CD109: variants seen among roughly 807,000 people sequenced by gnomAD.
CD109 encodes the protein CD109 antigen.
CD109 carries 149 observed loss-of-function variants against 165.8 expected under a neutral mutation model. That is an observed-to-expected ratio of 0.90 (90% confidence interval 0.79 to 1.03). CD109 has a LOEUF of 1.03. Among genes scored for constraint, CD109 ranks in the 50% least tolerant of loss-of-function variants. CD109 has a pLI of 0.00. For missense variants in CD109, 1,712 were observed against 1,677.8 expected, an observed-to-expected ratio of 1.02 and a Z score of -0.36; for synonymous variants, 585 against 592.1, an observed-to-expected ratio of 0.99 and a Z score of 0.18.
intron 5 of CD109, among the ~76,000 whole-genome samples, chr6:73,756,040 G>A (rs144360530): frequency 5.3e-5 from 8 of 152,204 alleles, no homozygotes; most frequent in South Asian, 2.1e-4. Flanking sequence ...AATAGCCCAC[G>A]TTTTCTTGTT....
At chr6:73,807,970 A>G (rs1189684201) in intron 25 of CD109, 113 bp from the exon 26 acceptor site, 4 of 819,558 alleles carry the variant, frequency 4.9e-6, no homozygotes, top group Non-Finnish European at 7.6e-6. Context: ...AAGGTCAGGT[A>G]CTTCATAGAC....
chr6:73,790,600 T>C (rs773043952), intron 22 of CD109, among the ~76,000 whole-genome samples: 38 of 152,302 alleles, frequency 2.5e-4, no homozygotes, highest in South Asian at 1.0e-3. Flanking sequence ...GTACTCACTC[T>C]GAGTCCAAAG....
At chr6:73,741,162 G>T (rs4342388) in intron 5 of CD109, among the ~76,000 whole-genome samples, 69,780 of 151,600 alleles carry the variant, frequency 0.46, 17,758 homozygotes, top group African/African-American at 0.69. Flanking sequence ...TGATTATAAT[G>T]TTTAAGACCT....
chr6:73,736,651 T>G, intron 5 of CD109, 143 bp downstream of exon 5: 3 of 681,212 alleles, frequency 4.4e-6, no homozygotes. Flanking sequence ...TATTTTTAAT[T>G]TATGATGTTT....
chr6:73,684,283 A>G, the CD109 span, among the ~76,000 whole-genome samples: 1 of 148,010 alleles, frequency 6.8e-6, no homozygotes, highest in Admixed American at 6.8e-5. Context: ...GCAGTGATGC[A>G]GTCTTGGCTC....
At chr6:73,791,136 CATATATATATATATATATAT>C (rs61429872) in intron 22 of CD109, among the ~76,000 whole-genome samples, 10 of 56,334 alleles carry the variant, frequency 1.8e-4, no homozygotes, top group Admixed American at 1.1e-3. Flanking sequence ...TACATACATA[CATATATATATATATATATAT>C]ATATATATAT....
intron 30 of CD109, among the ~76,000 whole-genome samples, chr6:73,816,977 G>A (rs886129997): frequency 1.4e-4 from 21 of 152,172 alleles, no homozygotes; most frequent in Admixed American, 6.5e-5. Flanking sequence ...GTGGTAGGTA[G>A]AGCCTGAAGA....
the CD109 span, among the ~76,000 whole-genome samples, chr6:73,686,952 A>G: frequency 2.0e-5 from 3 of 152,206 alleles, no homozygotes; most frequent in African/African-American, 7.2e-5. Flanking sequence ...TGGGTCTCCC[A>G]AAGTGTTGGG....
At chr6:73,684,125 A>G in the CD109 span, among the ~76,000 whole-genome samples, 9 of 151,978 alleles carry the variant, frequency 5.9e-5, no homozygotes, top group African/African-American at 1.7e-4. Flanking sequence ...TTTTTGATAT[A>G]TATTGAGAAA....
intron 5 of CD109, among the ~76,000 whole-genome samples, chr6:73,742,863 A>T (rs1772844411): frequency 6.6e-6 from 1 of 152,230 alleles, no homozygotes; most frequent in South Asian, 2.1e-4. Flanking sequence ...TAATTTTGGC[A>T]TGGGAGCTAG....
Position 73,800,840 on chromosome 6 carries a change from C to T in CD109, c.2879-2380C>T, listed in dbSNP as rs112198873. 6.2e-3 allele frequency among the ~76,000 whole-genome samples: 946 copies of T among 152,052 alleles called. 15 individuals are homozygous for T. The highest frequency in any genetic ancestry group is 0.021 in the African/African-American group (886 of 41,448). ...ATACATGTAAGTAATAACATATAAA[C>T]ATACATAAAAATTACATAATATTGA... On this transcript the variant is annotated intron_variant, in intron 23 of 32. Coordinates refer to ENST00000287097, the MANE Select transcript of CD109 (RefSeq NM_133493.5).
chr6:73,687,210 C>T, the CD109 span, among the ~76,000 whole-genome samples: 3 of 152,022 alleles, frequency 2.0e-5, no homozygotes, highest in African/African-American at 7.2e-5. Flanking sequence ...TATTTGGTTA[C>T]CCAGTGATCA....
Position 73,787,381 on chromosome 6 carries a change from G to A in CD109, c.2485G>A (p.Glu829Lys). Reference sequence around the variant, plus strand: ...TCCCATCAGGCCAACACATCTGGGAGAAATTCCTATCACAGTCACAGCTCT... The same window carrying A: ...TCCCATCAGGCCAACACATCTGGGAAAAATTCCTATCACAGTCACAGCTCT... Reference protein sequence around the residue: ...LFPIRPTHLGEIPITVTALSP... With the variant: ...LFPIRPTHLGKIPITVTALSP... Residue 829 changes from glutamate (E) to lysine (K), a missense_variant, in exon 21 of 33, where the codon GAA becomes AAA. Physicochemically the swap from Glu to Lys is moderately conservative, Grantham distance 56. Coordinates refer to ENST00000287097, the MANE Select transcript of CD109 (RefSeq NM_133493.5). The A allele has an allele frequency of 6.2e-7, 1 of 1,614,120 alleles. No homozygotes were observed. The highest frequency in any genetic ancestry group is 1.7e-5 in the Admixed American group (1 of 60,026).
intron 5 of CD109, among the ~76,000 whole-genome samples, chr6:73,750,586 T>C (rs1174086752): frequency 6.6e-6 from 1 of 152,156 alleles, no homozygotes; most frequent in Non-Finnish European, 1.5e-5. Context: ...ATAAAGCGCA[T>C]AAATAGCTAT....
intron 15 of CD109, 120 bp from the exon 16 acceptor site, chr6:73,780,304 C>G: frequency 1.3e-6 from 1 of 742,056 alleles, no homozygotes; most frequent in South Asian, 1.5e-5. Context: ...CATTACTCCT[C>G]AATTTGTGTC....
At position 73,762,384 on chromosome 6, in the gene CD109, G is replaced by T. The variant is rs764569899; in HGVS notation, c.759G>T (p.Lys253Asn). ...AAAGACTATGTTTATAATTATTCAG[G>T]TATACATATGGGAAGCCAGTGAAAG... ...SKHLNGTITAKYTYGKPVKGD... is the reference protein window; with the variant it reads ...SKHLNGTITANYTYGKPVKGD... Residue 253 changes from lysine (K) to asparagine (N), a missense_variant and splice_region_variant, in exon 8 of 33, where the codon AAG (lysine) becomes AAT (asparagine). Physicochemically the swap from Lys to Asn is moderately conservative, Grantham distance 94. Transcript: ENST00000287097. 5.1e-6 allele frequency: 8 copies of T among 1,570,210 alleles called. No homozygotes were observed. The highest frequency in any genetic ancestry group is 1.4e-5 in the African/African-American group (1 of 73,988).
At chr6:73,710,292 C>T (rs1181494313) in intron 2 of CD109, among the ~76,000 whole-genome samples, 2 of 152,114 alleles carry the variant, frequency 1.3e-5, no homozygotes, top group Non-Finnish European at 2.9e-5. Flanking sequence ...TTCTTATACA[C>T]CAATAACAGA....
At chr6:73,727,408 A>T (rs1030970377) in intron 3 of CD109, among the ~76,000 whole-genome samples, 1 of 152,184 alleles carries the variant, frequency 6.6e-6, no homozygotes, top group East Asian at 1.9e-4. Context: ...GTCTTTGAGG[A>T]TCCCAAATTA....
chr6:73,681,401 T>G, the CD109 span, among the ~76,000 whole-genome samples: 1 of 151,706 alleles, frequency 6.6e-6, no homozygotes, highest in East Asian at 1.9e-4. Context: ...TAAGCATATT[T>G]CAAGAATACA....
Sources: allele counts gnomAD v4.1 joint callset (sites outside exome capture counted in the v4.1 genomes callset), GRCh38; gene constraint gnomAD v4.1.1; transcripts MANE v1.5; gene names NCBI Gene and HGNC (gene_info 2026-07-23, HGNC 2026-07-21).